ATAD2B: variants seen among roughly 807,000 people sequenced by gnomAD.
ATAD2B encodes the protein ATPase family AAA domain-containing protein 2B.
Under a neutral mutation model 167.6 loss-of-function variants are expected in ATAD2B, and 40 were observed. That is an observed-to-expected ratio of 0.24 (90% confidence interval 0.19 to 0.31). The LOEUF is 0.31. Ranked by LOEUF, ATAD2B falls within the 10% of genes least tolerant of loss-of-function variation. The probability of loss-of-function intolerance (pLI) is 1.00; values close to 1 mark genes in which losing one functional copy is unlikely to be tolerated. For synonymous variants in ATAD2B, 579 were observed against 596.5 expected, an observed-to-expected ratio of 0.97 and a Z score of 0.43; for missense variants, 1,242 against 1,757.2, an observed-to-expected ratio of 0.71 and a Z score of 5.24.
chr2:23,878,025 A>AAAAAAAAAAAAAAAAC, intron 7 of ATAD2B, among the ~76,000 whole-genome samples: 1 of 106,972 alleles, frequency 9.3e-6, no homozygotes, highest in East Asian at 3.8e-4. Context: ...AAAAAAAAAA[A>AAAAAAAAAAAAAAAAC]AAAAAAAAAA....
At position 23,757,675 on chromosome 2, in the gene ATAD2B, G is replaced by A; in HGVS notation, c.3821C>T (p.Thr1274Ile). ...AACTGGTATTCCTTCAAAACTGTCA[G>A]TGGAAGCCTCACCATTTAGACAATT... The part of the protein sequence containing the change: ...KGNCLNGEAS[T>I]DSFEGIPVLE... Residue 1274 changes from threonine to isoleucine, a missense_variant, in exon 25 of 28, where the codon ACT becomes ATT. Thr to Ile is a moderately conservative substitution (Grantham distance 89). Around this residue, in one of 9 missense-constraint regions of ATAD2B, gnomAD observed 282 missense variants for 346.8 expected, o/e 0.81. Transcript: ENST00000238789. The A allele has an allele frequency of 1.2e-6, 2 of 1,613,740 alleles. No individual in the cohort carries two copies. Among genetic ancestry groups the A allele is most frequent in the South Asian group, 1.1e-5 (1 of 91,040 alleles).
the ATAD2B span, chr2:23,706,685 T>G: frequency 6.7e-7 from 1 of 1,488,828 alleles, no homozygotes; most frequent in Non-Finnish European, 9.0e-7. Flanking sequence ...AAGCCCACGA[T>G]AAGACTGTGG....
the ATAD2B span, among the ~76,000 whole-genome samples, chr2:23,737,074 C>T: frequency 6.6e-6 from 1 of 152,198 alleles, no homozygotes; most frequent in Non-Finnish European, 1.5e-5. Flanking sequence ...TGGAGCCCAC[C>T]ACAGCTAAAG....
intron 16 of ATAD2B, among the ~76,000 whole-genome samples, chr2:23,822,917 C>CAAA (rs33911389): frequency 0.016 from 1,070 of 65,314 alleles, 43 homozygotes; most frequent in African/African-American, 0.03. Flanking sequence ...AACTCCATCT[C>CAAA]AAAAAAAAAA....
chr2:23,847,280 C>A (rs1252562414), intron 13 of ATAD2B, among the ~76,000 whole-genome samples: 1 of 150,426 alleles, frequency 6.6e-6, no homozygotes. Flanking sequence ...CCGAGGCAGG[C>A]GGATCACAAG....
At chr2:23,877,498 A>AAGGGAAGGGGAGGGAAGGGG (rs1260671437) in intron 7 of ATAD2B, among the ~76,000 whole-genome samples, 2 of 101,426 alleles carry the variant, frequency 2.0e-5, no homozygotes, top group African/African-American at 3.9e-5. Flanking sequence ...AAGGGAAGGG[A>AAGGGAAGGGGAGGGAAGGGG]AGGGAAGGGG....
At chr2:23,808,184 T>G (rs1334570218) in intron 18 of ATAD2B, among the ~76,000 whole-genome samples, 1 of 110,208 alleles carries the variant, frequency 9.1e-6, no homozygotes, top group Admixed American at 9.4e-5. Flanking sequence ...TATATTTATA[T>G]ATATATTTAT....
intron 14 of ATAD2B, among the ~76,000 whole-genome samples, chr2:23,830,126 G>C (rs1449505274): frequency 2.9e-4 from 44 of 152,012 alleles, no homozygotes; most frequent in Admixed American, 2.9e-3. Context: ...TGGGATTACA[G>C]GAACCCACCA....
At chr2:23,684,152 A>G in the ATAD2B span, among the ~76,000 whole-genome samples, 3 of 151,986 alleles carry the variant, frequency 2.0e-5, no homozygotes, top group East Asian at 1.9e-4. The surrounding 1 kb of genome is among the most constrained non-coding windows in gnomAD (Gnocchi z 4.4). Context: ...TTTTTGTATC[A>G]TATTTGGTTT....
intron 1 of ATAD2B, among the ~76,000 whole-genome samples, chr2:23,924,323 C>A (rs1323204712): frequency 6.6e-6 from 1 of 152,170 alleles, no homozygotes; most frequent in Non-Finnish European, 1.5e-5. Context: ...ACACGGGCAA[C>A]CCCATTTTGC....
intron 24 of ATAD2B, 52 bp from the exon 25 acceptor site, chr2:23,758,153 A>G: frequency 7.3e-7 from 1 of 1,363,306 alleles, no homozygotes; most frequent in South Asian, 1.4e-5. Flanking sequence ...TGCAATACCA[A>G]TTTTACATAT....
the ATAD2B span, among the ~76,000 whole-genome samples, chr2:23,695,247 C>G: frequency 6.6e-6 from 1 of 152,158 alleles, no homozygotes; most frequent in Non-Finnish European, 1.5e-5. The surrounding 1 kb of genome is among the most constrained non-coding windows in gnomAD (Gnocchi z 7.6). Flanking sequence ...ACTCACAGCT[C>G]TTTAATAATC....
intron 6 of ATAD2B, among the ~76,000 whole-genome samples, chr2:23,884,463 A>C (rs1698402950): frequency 6.6e-6 from 1 of 152,204 alleles, no homozygotes; most frequent in African/African-American, 2.4e-5. Flanking sequence ...AGTACAAAAA[A>C]GGCCTCATCT....
chr2:23,851,328 A>G (rs1476475150), intron 13 of ATAD2B, among the ~76,000 whole-genome samples: 1 of 152,164 alleles, frequency 6.6e-6, no homozygotes, highest in African/African-American at 2.4e-5. Context: ...TTTAGTAGAG[A>G]CACGGTTTTG....
At chr2:23,839,086 C>T (rs561062464) in intron 13 of ATAD2B, among the ~76,000 whole-genome samples, 1 of 152,088 alleles carries the variant, frequency 6.6e-6, no homozygotes, top group Non-Finnish European at 1.5e-5. Flanking sequence ...TTACTAGCAA[C>T]AAAAATACAA....
chr2:23,800,653 C>A (rs1683334617), intron 18 of ATAD2B, among the ~76,000 whole-genome samples: 1 of 151,800 alleles, frequency 6.6e-6, no homozygotes, highest in Admixed American at 6.6e-5. Context: ...GTTGTATTGA[C>A]CCCATTAAAA....
At chr2:23,889,612 G>A (rs1019340200) in intron 2 of ATAD2B, among the ~76,000 whole-genome samples, 3 of 151,790 alleles carry the variant, frequency 2.0e-5, no homozygotes, top group Admixed American at 6.6e-5. Flanking sequence ...CAGTTAAGAC[G>A]ACTAAAGGGT....
At chr2:23,788,761 C>A (rs1194180046) in intron 19 of ATAD2B, 114 bp from the exon 20 acceptor site, 1 of 901,210 alleles carries the variant, frequency 1.1e-6, no homozygotes, top group Non-Finnish European at 1.6e-6. Context: ...ATTCATAGAC[C>A]ATTCACATGG....
chr2:23,709,145 G>A, the ATAD2B span, among the ~76,000 whole-genome samples: 11 of 152,158 alleles, frequency 7.2e-5, no homozygotes, highest in African/African-American at 1.2e-4. Flanking sequence ...GGGTTCAAGC[G>A]ATTCTCCTGC....
Sources: allele counts gnomAD v4.1 joint callset (sites outside exome capture counted in the v4.1 genomes callset), GRCh38; gene constraint gnomAD v4.1.1; regional missense constraint gnomAD v4.1.1; non-coding constraint Gnocchi (gnomAD v3.1); transcripts MANE v1.5; gene names NCBI Gene and HGNC (gene_info 2026-07-23, HGNC 2026-07-21).